The following TBX1 variants were observed in gnomAD, a reference collection of about 807,000 sequenced individuals.
TBX1 encodes T-box transcription factor TBX1.
A neutral mutation model predicts 40.8 loss-of-function variants in TBX1; 16 were observed. That is an observed-to-expected ratio of 0.39 (90% CI 0.27 to 0.60). The LOEUF is 0.60. TBX1 is among the 20% of genes least tolerant of loss of function. The pLI is 0.51. For missense variants in TBX1, 755 were observed against 728.5 expected (o/e 1.04, Z -0.42); for synonymous variants, 403 against 336.8 (o/e 1.20, Z -2.15).
chr22:19,774,076 T>A (rs78256549), intron 8 of TBX1, among the ~76,000 whole-genome samples: 4 of 152,216 alleles, frequency 2.6e-5, no homozygotes, highest in African/African-American at 9.6e-5. Flanking sequence ...TGATGATGAT[T>A]TTAAAAAACA....
At chr22:19,783,142 G>A (rs1569033642), downstream of TBX1, 3 of 718,022 alleles carry the variant, frequency 4.2e-6, no homozygotes, top group Non-Finnish European at 5.1e-6. Flanking sequence ...TCACCCCGTG[G>A]AGTAGACAAA....
At position 19,766,770 on chromosome 22, in the gene TBX1, C is replaced by G; in HGVS notation, c.1418C>G (p.Ala473Gly). 6.8e-7 allele frequency: 1 copy of G among 1,471,304 alleles called. No homozygotes were observed. Among genetic ancestry groups the G allele is most frequent in the South Asian group, 1.3e-5 (1 of 75,266 alleles). 91.1% of individuals were successfully genotyped at this position (1,471,304 alleles called of 1,614,324 possible). A position where few individuals can be genotyped will look rare whatever the true frequency, so the allele number is the denominator to read the frequency against. The change falls in exon 7 of 7, where the codon GCG becomes GGG. Residue 473 changes from alanine to glycine, a missense_variant. By Grantham distance (60) the Ala-to-Gly change is moderately conservative. This residue lies in a region of TBX1 where 412 missense variants were observed against 317.6 expected (regional missense o/e 1.30). Transcript: ENST00000649276. ...CACCACCCCGTGAGTCCAGCCGCCG[C>G]GGCCGCCGCCGCCGCTGCCGCAGCT... ...HHHHPVSPAAAAAAAAAAAAA... is the reference protein window; with the variant it reads ...HHHHPVSPAAGAAAAAAAAAA...
chr22:19,764,566 G>C (rs954807787), intron 3 of TBX1, among the ~76,000 whole-genome samples: 1 of 152,240 alleles, frequency 6.6e-6, no homozygotes, highest in Non-Finnish European at 1.5e-5. Context: ...AGCCTAGTGG[G>C]CCTGGGCCCT....
At chr22:19,779,105 C>T (rs545801234) in intron 8 of TBX1, 895 of 1,265,664 alleles carry the variant, frequency 7.1e-4, no homozygotes, top group Admixed American at 1.6e-3. Context: ...CAGTCCTGTC[C>T]TGCCCTTCCA....
upstream of TBX1, among the ~76,000 whole-genome samples, chr22:19,760,474 GGA>G (rs979293240): frequency 6.8e-6 from 1 of 148,144 alleles, no homozygotes; most frequent in Non-Finnish European, 1.5e-5. Flanking sequence ...AGAACGTCTG[GGA>G]GAGAGAGAGG....
chr22:19,766,726 C>CGCGCAT lies in TBX1; in HGVS notation c.1375_1380dup (p.Ala459_His460dup), dbSNP rs1936866801. 1.3e-6 allele frequency: 2 copies of CGCGCAT among 1,541,780 alleles called. No individual in the cohort carries two copies. The highest frequency in any genetic ancestry group is 3.7e-5 in the Admixed American group (2 of 54,178). On this transcript the variant is annotated inframe_insertion, in exon 7 of 7. Transcript: ENST00000649276. ...TGCGTGGCCACGGCTACCACCCGCA[C>CGCGCAT]GCGCATCCGCACCACCACCACCACC... is the stretch of plus-strand genomic sequence containing the variant.
downstream of TBX1, among the ~76,000 whole-genome samples, chr22:19,768,614 T>G (rs1936931029): frequency 6.6e-6 from 1 of 152,234 alleles, no homozygotes; most frequent in South Asian, 2.1e-4. Flanking sequence ...ATTACCCATG[T>G]GCCCCACGGT....
chr22:19,761,729 C>T (rs1201796606), intron 1 of TBX1, among the ~76,000 whole-genome samples: 1 of 152,230 alleles, frequency 6.6e-6, no homozygotes, highest in Non-Finnish European at 1.5e-5. Context: ...TCTATGCGGG[C>T]AAGATAAAGA....
At chr22:19,768,608 C>T (rs558243029), downstream of TBX1, among the ~76,000 whole-genome samples, 1 of 152,312 alleles carries the variant, frequency 6.6e-6, no homozygotes, top group Non-Finnish European at 1.5e-5. Context: ...GCAGCCATTA[C>T]CCATGTGCCC....
chr22:19,765,853 C>G (rs771023775), intron 5 of TBX1, 28 bp downstream of exon 5: 3 of 1,581,168 alleles, frequency 1.9e-6, no homozygotes, highest in East Asian at 2.4e-5. Context: ...AGAGAGTGAG[C>G]GCCGGGCGCC....
At chr22:19,779,911 G>C (rs146323171), downstream of TBX1, among the ~76,000 whole-genome samples, 2 of 151,338 alleles carry the variant, frequency 1.3e-5, no homozygotes, top group Non-Finnish European at 3.0e-5. Flanking sequence ...ACCACGGTGA[G>C]GCCAAGTGCT....
chr22:19,766,181 CCCGCCGCCG>C (rs913799811), intron 6 of TBX1, 179 bp downstream of exon 6: 1 of 805,114 alleles, frequency 1.2e-6, no homozygotes, highest in African/African-American at 1.9e-5. Context: ...CTGCGCCCCG[CCCGCCGCCG>C]CCGCCGCCCG....
downstream of TBX1, among the ~76,000 whole-genome samples, chr22:19,768,082 C>T (rs968623386): frequency 2.6e-5 from 4 of 152,204 alleles, no homozygotes; most frequent in Admixed American, 6.5e-5. Flanking sequence ...TTTGATCCCT[C>T]CCTTCCTGAG....
At chr22:19,783,443 G>A (rs191002666), downstream of TBX1, 37 of 290,992 alleles carry the variant, frequency 1.3e-4, no homozygotes, top group African/African-American at 5.9e-4. Flanking sequence ...TGAGTTACTC[G>A]GGAGGCTGAG....
chr22:19,762,541 G>A (rs1376815011), intron 1 of TBX1, among the ~76,000 whole-genome samples: 1 of 152,230 alleles, frequency 6.6e-6, no homozygotes, highest in Non-Finnish European at 1.5e-5. Context: ...ACTGAGCCAG[G>A]GTCCAAAGCG....
At chr22:19,763,418 C>A in intron 2 of TBX1, 76 bp downstream of exon 2, 2 of 1,363,140 alleles carry the variant, frequency 1.5e-6, no homozygotes, top group Non-Finnish European at 1.0e-6. Flanking sequence ...GGTGACCCAA[C>A]TCCAAGGGTC....
At chr22:19,771,487 G>A (rs41300452), downstream of TBX1, among the ~76,000 whole-genome samples, 3 of 152,190 alleles carry the variant, frequency 2.0e-5, no homozygotes, top group African/African-American at 7.2e-5. Context: ...GCCCATGTGG[G>A]GGAGAGGCTT....
rs115758974 is a variant in TBX1 at position 19,772,501 on chromosome 22, A to G, written c.1009+6499A>G. On this transcript the variant is annotated intron_variant, in intron 8 of 8. Coordinates refer to the TBX1 transcript ENST00000329705. ...TTTGTAGAGACATATGAGTCTTGCT[A>G]TGTTGCCCAGGCTGGTCTTGAACTC... is the stretch of plus-strand genomic sequence containing the variant. Among the ~76,000 whole-genome samples the G allele has an allele frequency of 9.6e-3, 1,458 of 151,542 alleles. 18 individuals carry two copies. Among genetic ancestry groups the G allele is most frequent in the African/African-American group, 0.033 (1,352 of 41,272 alleles).
chr22:19,777,038 G>C (rs1937076085), intron 8 of TBX1, among the ~76,000 whole-genome samples: 1 of 151,788 alleles, frequency 6.6e-6, no homozygotes, highest in Non-Finnish European at 1.5e-5. Context: ...GAACATTAAG[G>C]TTTTTTTAAA....
Sources: gnomAD v4.1 joint callset for allele counts (sites outside exome capture counted in the v4.1 genomes callset) on GRCh38, gnomAD v4.1.1 for gene constraint, gnomAD v4.1.1 regional missense constraint, MANE v1.5 for transcripts, NCBI Gene and HGNC (gene_info 2026-07-23, HGNC 2026-07-21) for gene names.